The following MIS18A variants were observed in gnomAD, a reference collection of about 807,000 sequenced individuals.
MIS18A encodes the protein protein Mis18-alpha.
In MIS18A, 14 loss-of-function variants were observed where a neutral mutation model predicts 25.0. The observed-to-expected ratio is 0.56, with a 90% CI of 0.37 to 0.88. The LOEUF is 0.88. Ranked by LOEUF, MIS18A falls within the 40% of genes least tolerant of loss-of-function variation. The pLI is 0.00. For synonymous variants in MIS18A, 134 were observed against 118.6 expected (o/e 1.13, Z -0.84); for missense variants, 292 against 290.8 (o/e 1.00, Z -0.03).
intron 1 of MIS18A, 82 bp downstream of exon 1, chr21:32,278,599 G>T: frequency 7.4e-7 from 1 of 1,356,156 alleles, no homozygotes; most frequent in Non-Finnish European, 9.7e-7. Context: ...AGGAGCCCCC[G>T]CCTCCTCCCG....
At chr21:32,240,462 T>C in the MIS18A span, among the ~76,000 whole-genome samples, 4 of 152,210 alleles carry the variant, frequency 2.6e-5, no homozygotes, top group Non-Finnish European at 5.9e-5. Context: ...TCCAGAACTG[T>C]GAGAACTAAA....
the MIS18A span, among the ~76,000 whole-genome samples, chr21:32,155,081 A>G: frequency 6.6e-6 from 1 of 152,194 alleles, no homozygotes; most frequent in South Asian, 2.1e-4. Context: ...ACCACTTATC[A>G]TTGGGAGTAT....
the MIS18A span, among the ~76,000 whole-genome samples, chr21:32,234,644 ACTCGGTTC>A: frequency 6.6e-6 from 1 of 151,884 alleles, no homozygotes; most frequent in South Asian, 2.1e-4. Context: ...GTGTGTTCTC[ACTCGGTTC>A]ATGTGAGAAC....
At chr21:32,235,060 T>C in the MIS18A span, among the ~76,000 whole-genome samples, 3 of 152,218 alleles carry the variant, frequency 2.0e-5, no homozygotes, top group Non-Finnish European at 2.9e-5. Flanking sequence ...ATGGCAGATA[T>C]AGCTAATTGA....
At chr21:32,157,703 AT>A in the MIS18A span, among the ~76,000 whole-genome samples, 32 of 151,906 alleles carry the variant, frequency 2.1e-4, no homozygotes, top group Admixed American at 9.2e-4. Flanking sequence ...TAGATTGTTT[AT>A]TTTTTTCATT....
At chr21:32,161,605 C>T in the MIS18A span, among the ~76,000 whole-genome samples, 3 of 151,362 alleles carry the variant, frequency 2.0e-5, no homozygotes, top group African/African-American at 7.3e-5. Flanking sequence ...GATTCTCCTG[C>T]CTCAGCCTCC....
chr21:32,173,298 T>TG, the MIS18A span, among the ~76,000 whole-genome samples: 1 of 151,984 alleles, frequency 6.6e-6, no homozygotes, highest in South Asian at 2.1e-4. Flanking sequence ...CCATAACAAA[T>TG]GGGGGCAGGA....
At chr21:32,174,989 T>A in the MIS18A span, among the ~76,000 whole-genome samples, 1 of 152,208 alleles carries the variant, frequency 6.6e-6, no homozygotes, top group Non-Finnish European at 1.5e-5. Context: ...CAGGGATACA[T>A]TCTGACAAAT....
At chr21:32,266,337 A>C (rs1463189757), downstream of MIS18A, among the ~76,000 whole-genome samples, 1 of 152,212 alleles carries the variant, frequency 6.6e-6, no homozygotes, top group Non-Finnish European at 1.5e-5. Context: ...CGGCTCTACC[A>C]ATCAGCAGGA....
the MIS18A span, among the ~76,000 whole-genome samples, chr21:32,162,673 C>T: frequency 2.0e-5 from 3 of 152,142 alleles, no homozygotes; most frequent in Admixed American, 2.0e-4. Flanking sequence ...ATCTTTATAC[C>T]TACCATAACC....
chr21:32,278,764 AG>A lies in MIS18A; in HGVS notation c.250del (p.Leu84CysfsTer13). On this transcript the variant is annotated frameshift_variant, in exon 1 of 5. Coordinates refer to ENST00000290130, the MANE Select transcript of MIS18A (RefSeq NM_018944.3). LOFTEE classifies it high-confidence loss of function. ...AAAEERPLVF[L>X]CSGCRRPLGD... is the part of the protein sequence containing the mutation. ...CAGCGGCCGCCGGCAGCCGGAGCAC[AG>A]GAACACCAGCGGCCTCTCCTCCGCA... 6.3e-7 allele frequency: 1 copy of A among 1,579,600 alleles called. No homozygotes were observed. The highest frequency in any genetic ancestry group is 8.6e-7 in the Non-Finnish European group (1 of 1,168,402).
the MIS18A span, among the ~76,000 whole-genome samples, chr21:32,252,000 T>C: frequency 6.6e-6 from 1 of 152,064 alleles, no homozygotes; most frequent in African/African-American, 2.4e-5. Context: ...CTAGGCAACA[T>C]AGCAAGACCC....
the MIS18A span, among the ~76,000 whole-genome samples, chr21:32,163,690 C>G: frequency 2.0e-5 from 3 of 152,260 alleles, no homozygotes; most frequent in Non-Finnish European, 2.9e-5. Context: ...GGAGAAGCTA[C>G]GTCTATTGCT....
At chr21:32,266,814 A>G (rs1166994618), downstream of MIS18A, among the ~76,000 whole-genome samples, 1 of 152,122 alleles carries the variant, frequency 6.6e-6, no homozygotes, top group African/African-American at 2.4e-5. Context: ...TTCCGGACAC[A>G]CTGCTTCTGG....
chr21:32,213,125 T>C, the MIS18A span, among the ~76,000 whole-genome samples: 1 of 152,158 alleles, frequency 6.6e-6, no homozygotes, highest in Admixed American at 6.5e-5. Context: ...TAACCAAATT[T>C]TAAAAAAATG....
At chr21:32,254,357 C>T in the MIS18A span, among the ~76,000 whole-genome samples, 15 of 152,050 alleles carry the variant, frequency 9.9e-5, no homozygotes, top group African/African-American at 2.9e-4. Context: ...CTGGCCAACC[C>T]TGTCTCTAAA....
At chr21:32,241,910 G>GC in the MIS18A span, among the ~76,000 whole-genome samples, 9 of 149,450 alleles carry the variant, frequency 6.0e-5, no homozygotes, top group Non-Finnish European at 1.3e-4. Flanking sequence ...GACGGAGTTC[G>GC]CTCTGTCGCC....
the MIS18A span, among the ~76,000 whole-genome samples, chr21:32,157,038 TTTCCTTTC>T: frequency 1.4e-5 from 2 of 142,788 alleles, no homozygotes; most frequent in Admixed American, 1.6e-4. Flanking sequence ...TTTCCTTTCT[TTTCCTTTC>T]TTTCTTTCTT....
At chr21:32,250,930 G>A in the MIS18A span, among the ~76,000 whole-genome samples, 365 of 152,274 alleles carry the variant, frequency 2.4e-3, 7 homozygotes, top group East Asian at 0.044. Flanking sequence ...GGATCCAGTG[G>A]GAGGCAATTG....
Sources: allele counts gnomAD v4.1 joint callset (sites outside exome capture counted in the v4.1 genomes callset), GRCh38; gene constraint gnomAD v4.1.1; transcripts MANE v1.5; gene names NCBI Gene and HGNC (gene_info 2026-07-23, HGNC 2026-07-21).